SH3RF2: variants seen among roughly 807,000 people sequenced by gnomAD.
The protein encoded by SH3RF2 is E3 ubiquitin-protein ligase SH3RF2.
A neutral mutation model predicts 59.0 loss-of-function variants in SH3RF2; 43 were observed. That is an observed-to-expected ratio of 0.73 (90% confidence interval 0.57 to 0.94). The LOEUF (loss-of-function observed/expected upper bound fraction) is 0.94, where lower values mean the gene tolerates loss of function less well. Among genes scored for constraint, SH3RF2 ranks in the 40% least tolerant of loss-of-function variants. The pLI is 0.00. For missense variants in SH3RF2, 930 were observed against 940.1 expected, an observed-to-expected ratio of 0.99 and a Z score of 0.14; for synonymous variants, 391 against 391.5, an observed-to-expected ratio of 1.00 and a Z score of 0.01.
chr5:146,008,337 C>T (rs1760730915), intron 4 of SH3RF2, among the ~76,000 whole-genome samples: 1 of 152,190 alleles, frequency 6.6e-6, no homozygotes, highest in Non-Finnish European at 1.5e-5. Flanking sequence ...GTTAGAAAAG[C>T]TGACGGTGGT....
chr5:146,074,461 G>A (rs1047396107), intron 9 of SH3RF2, among the ~76,000 whole-genome samples: 5 of 151,966 alleles, frequency 3.3e-5, no homozygotes, highest in South Asian at 2.1e-4. Context: ...GAGGGACTTG[G>A]CTTAGGCACC....
intron 2 of SH3RF2, among the ~76,000 whole-genome samples, chr5:145,977,091 G>A (rs11750319): frequency 0.072 from 10,981 of 152,294 alleles, 534 homozygotes; most frequent in Admixed American, 0.11. Context: ...GGAAAACTGA[G>A]GCTTGGAGAA....
chr5:146,035,461 G>C (rs948092853), intron 5 of SH3RF2, among the ~76,000 whole-genome samples: 1 of 115,578 alleles, frequency 8.7e-6, no homozygotes, highest in South Asian at 2.5e-4. Context: ...GGAAAAAAGC[G>C]TCCCTAAACC....
chr5:145,970,365 A>T (rs1450250215), intron 2 of SH3RF2, among the ~76,000 whole-genome samples: 3 of 152,156 alleles, frequency 2.0e-5, no homozygotes, highest in African/African-American at 7.2e-5. Context: ...AAGTGAGAAC[A>T]TACAATATTT....
chr5:145,972,031 G>A (rs1355592580), intron 2 of SH3RF2, among the ~76,000 whole-genome samples: 2 of 152,106 alleles, frequency 1.3e-5, no homozygotes, highest in African/African-American at 4.8e-5. Context: ...AAGAGACTGG[G>A]CCAAGGTCAG....
intron 2 of SH3RF2, among the ~76,000 whole-genome samples, chr5:145,955,393 G>C (rs1758353560): frequency 6.6e-6 from 1 of 152,106 alleles, no homozygotes; most frequent in Admixed American, 6.5e-5. Flanking sequence ...ATAGACACTG[G>C]GGACTACTAG....
chr5:145,969,474 G>C (rs1179482020), intron 2 of SH3RF2, among the ~76,000 whole-genome samples: 3 of 152,192 alleles, frequency 2.0e-5, no homozygotes, highest in Admixed American at 1.3e-4. Flanking sequence ...GCATCACTGA[G>C]TGGTGATGGA....
At chr5:145,970,634 G>C (rs756710028) in intron 2 of SH3RF2, among the ~76,000 whole-genome samples, 2 of 152,108 alleles carry the variant, frequency 1.3e-5, no homozygotes, top group Non-Finnish European at 2.9e-5. Flanking sequence ...CCTTAACATT[G>C]TATTTCCTAC....
In SH3RF2 at chr5:146,062,553, TG is replaced by T. The variant is rs766511662; in HGVS notation, c.2045del (p.Gly682AlafsTer4). On this transcript the variant is annotated frameshift_variant, in exon 10 of 10. Coordinates refer to ENST00000359120, the MANE Select transcript of SH3RF2 (RefSeq NM_152550.4). LOFTEE classifies it high-confidence loss of function. ...GCGTCCCAGCCTGAAGCAGCGTCCT[TG>T]GGCCCAGAGATGACCGTCCTATTTG... ...LKASQPEAASLGPEMTVLFAH... is the reference protein window; with the variant it reads ...LKASQPEAASXGPEMTVLFAH... 1.6e-5 allele frequency: 26 copies of T among 1,614,032 alleles called. No homozygotes were observed. The highest frequency in any genetic ancestry group is 1.0e-5 in the Non-Finnish European group (12 of 1,180,034).
intron 9 of SH3RF2, among the ~76,000 whole-genome samples, chr5:146,074,241 G>A (rs1452074078): frequency 6.6e-6 from 1 of 151,718 alleles, no homozygotes; most frequent in Non-Finnish European, 1.5e-5. Flanking sequence ...GGGTTTCACC[G>A]CCATTAACAC....
chr5:146,074,220 T>C (rs942747906), intron 9 of SH3RF2, among the ~76,000 whole-genome samples: 7 of 152,072 alleles, frequency 4.6e-5, no homozygotes, highest in African/African-American at 1.7e-4. Context: ...TTTGTATTTT[T>C]AGTAGAGACG....
intron 2 of SH3RF2, among the ~76,000 whole-genome samples, chr5:145,939,470 C>G (rs375733232): frequency 1.3e-5 from 2 of 152,180 alleles, no homozygotes; most frequent in African/African-American, 4.8e-5. Context: ...GCTACCACTT[C>G]CTGGGTTCAC....
intron 7 of SH3RF2, among the ~76,000 whole-genome samples, chr5:146,054,099 C>A (rs1385929356): frequency 2.6e-5 from 4 of 152,148 alleles, no homozygotes; most frequent in African/African-American, 9.7e-5. Context: ...GTCTGCAGGT[C>A]TGGGGGTGTC....
Position 145,987,698 on chromosome 5 carries a change from G to C in SH3RF2, c.379-12360G>C, listed in dbSNP as rs78241185. Among the ~76,000 whole-genome samples the C allele has an allele frequency of 6.3e-3, 963 of 151,886 alleles. 5 individuals are homozygous for C. The highest frequency in any genetic ancestry group is 0.031 in the South Asian group (151 of 4,808). ...CAACTAGATTGTAAGCTCCATGAAG[G>C]GTCTTGACCATACCTAGCATGGTCG... On this transcript the variant is annotated intron_variant, in intron 2 of 9. Coordinates refer to ENST00000359120, the MANE Select transcript of SH3RF2 (RefSeq NM_152550.4).
chr5:145,940,535 C>T (rs913864694), intron 2 of SH3RF2, among the ~76,000 whole-genome samples: 7 of 152,196 alleles, frequency 4.6e-5, no homozygotes, highest in Admixed American at 4.6e-4. Flanking sequence ...CTTACATCCT[C>T]GGTCAAATCC....
intron 5 of SH3RF2, among the ~76,000 whole-genome samples, chr5:146,031,211 C>A (rs1425709089): frequency 6.6e-6 from 1 of 152,150 alleles, no homozygotes; most frequent in East Asian, 1.9e-4. Flanking sequence ...TCACTTCCCA[C>A]CTTGTTTTGG....
chr5:146,055,707 G>A, intron 7 of SH3RF2: 1 of 488,508 alleles, frequency 2.0e-6, no homozygotes, highest in Non-Finnish European at 3.7e-6. Flanking sequence ...GAGTGAAAAA[G>A]GATGAAATTC....
intron 5 of SH3RF2, among the ~76,000 whole-genome samples, chr5:146,037,756 C>T (rs190829538): frequency 6.6e-6 from 1 of 152,278 alleles, no homozygotes; most frequent in East Asian, 1.9e-4. Flanking sequence ...TTCACACTTT[C>T]AAGGAAGAGA....
chr5:145,947,990 C>T (rs1430657614), intron 2 of SH3RF2, among the ~76,000 whole-genome samples: 2 of 151,884 alleles, frequency 1.3e-5, no homozygotes. Flanking sequence ...ATGCATGATG[C>T]AGTTAATAAA....
Sources: gnomAD v4.1 joint callset for allele counts (sites outside exome capture counted in the v4.1 genomes callset) on GRCh38, gnomAD v4.1.1 for gene constraint, MANE v1.5 for transcripts, NCBI Gene and HGNC (gene_info 2026-07-23, HGNC 2026-07-21) for gene names.